The following KIF16B variants were observed in gnomAD, a reference collection of about 807,000 sequenced individuals.
KIF16B encodes the protein kinesin-like protein KIF16B.
A neutral mutation model predicts 156.3 loss-of-function variants in KIF16B; 98 were observed. That is an observed-to-expected ratio of 0.63 (90% confidence interval 0.53 to 0.74). The LOEUF (loss-of-function observed/expected upper bound fraction) is 0.74. Ranked by LOEUF, KIF16B falls within the 30% of genes least tolerant of loss-of-function variation. The pLI is 0.00. For synonymous variants in KIF16B, 564 were observed against 583.7 expected (o/e 0.97, Z 0.49); for missense variants, 1,421 against 1,606.5 (o/e 0.88, Z 1.97).
intron 22 of KIF16B, 43 bp downstream of exon 22, chr20:16,370,543 A>C: frequency 6.7e-7 from 1 of 1,488,654 alleles, no homozygotes; most frequent in Non-Finnish European, 9.0e-7. Context: ...TGAGCATGCC[A>C]TAATTTAAGG....
At chr20:16,438,516 A>G (rs2066708778) in intron 12 of KIF16B, among the ~76,000 whole-genome samples, 1 of 152,304 alleles carries the variant, frequency 6.6e-6, no homozygotes, top group East Asian at 1.9e-4. Context: ...TTGCAATTTC[A>G]GGCAACCACT....
intron 5 of KIF16B, 133 bp downstream of exon 5, chr20:16,512,693 C>T (rs2068994637): frequency 3.4e-6 from 2 of 588,600 alleles, no homozygotes; most frequent in Admixed American, 2.9e-5. Flanking sequence ...AAACCATAAT[C>T]ACAGGAGGGG....
chr20:16,558,706 C>A (rs1384928293), intron 1 of KIF16B, among the ~76,000 whole-genome samples: 1 of 152,152 alleles, frequency 6.6e-6, no homozygotes, highest in African/African-American at 2.4e-5. Context: ...GAGTTCCAGA[C>A]CAGCCTGGCC....
chr20:16,416,839 A>G (rs2180472), intron 15 of KIF16B, among the ~76,000 whole-genome samples: 16,700 of 152,136 alleles, frequency 0.11, 1,142 homozygotes, highest in Non-Finnish European at 0.16. Flanking sequence ...AGCTTGGTCT[A>G]GGAAGAAAGC....
intron 1 of KIF16B, among the ~76,000 whole-genome samples, chr20:16,563,884 A>C (rs778404105): frequency 1.3e-5 from 2 of 152,204 alleles, no homozygotes; most frequent in East Asian, 3.9e-4. Flanking sequence ...CATATTACTT[A>C]TAAAGTTCAC....
intron 23 of KIF16B, among the ~76,000 whole-genome samples, chr20:16,339,540 G>A (rs67199324): frequency 0.052 from 7,929 of 152,104 alleles, 300 homozygotes; most frequent in African/African-American, 0.099. Context: ...ACCCAGACTC[G>A]TATATCCGAC....
At chr20:16,477,213 A>G (rs1264401341) in intron 12 of KIF16B, among the ~76,000 whole-genome samples, 1 of 149,908 alleles carries the variant, frequency 6.7e-6, no homozygotes, top group Non-Finnish European at 1.5e-5. Flanking sequence ...CTCCTTAAAA[A>G]AAAAAAAAGG....
intron 25 of KIF16B, among the ~76,000 whole-genome samples, chr20:16,301,901 C>T (rs1457539581): frequency 7.2e-5 from 11 of 152,168 alleles, no homozygotes; most frequent in South Asian, 2.1e-4. Flanking sequence ...CTGCCTGCCT[C>T]GGCCTCTCAA....
rs763142988 is a variant in KIF16B, at chr20:16,379,567, T to A, written c.2435A>T (p.Asp812Val). Residue 812 changes from aspartate to valine, a missense_variant, in exon 19 of 26, where the codon GAT becomes GTT. Physicochemically the swap from Asp to Val is radical, Grantham distance 152. Transcript: ENST00000354981. The stretch of plus-strand genomic sequence containing the variant: ...CTTTTCTAACTCCTCGCCATCTTCA[T>A]CCCCTCCGGCACGAGCCTCCTTCAC... ...LRVKEARAGG[D>V]EDGEELEKAQ... 7 of 1,614,006 alleles carry A rather than the reference T, an allele frequency of 4.3e-6. No homozygotes were observed. Among genetic ancestry groups the A allele is most frequent in the African/African-American group, 1.3e-5 (1 of 74,910 alleles).
intron 22 of KIF16B, chr20:16,367,816 T>C (rs776364964): frequency 9.9e-5 from 159 of 1,611,390 alleles, no homozygotes; most frequent in Non-Finnish European, 1.3e-4. Context: ...ACACAGGAGG[T>C]CACGACACAG....
At chr20:16,412,927 T>C (rs1003706777) in intron 15 of KIF16B, among the ~76,000 whole-genome samples, 1 of 152,142 alleles carries the variant, frequency 6.6e-6, no homozygotes, top group Non-Finnish European at 1.5e-5. Flanking sequence ...GCTGATAATG[T>C]AGTTTCTTGA....
At chr20:16,466,656 A>C (rs1168516525) in intron 12 of KIF16B, among the ~76,000 whole-genome samples, 1 of 152,228 alleles carries the variant, frequency 6.6e-6, no homozygotes, top group Admixed American at 6.5e-5. Context: ...CTGTGAGTCC[A>C]TTAAACATCT....
At chr20:16,396,571 G>A (rs2065507212) in intron 17 of KIF16B, among the ~76,000 whole-genome samples, 1 of 150,946 alleles carries the variant, frequency 6.6e-6, no homozygotes, top group Admixed American at 6.6e-5. Context: ...GAGAGGGAGA[G>A]GCAGAGACAG....
chr20:16,273,873 A>G (rs1056769469), intron 25 of KIF16B, among the ~76,000 whole-genome samples: 3 of 152,134 alleles, frequency 2.0e-5, no homozygotes, highest in Admixed American at 1.3e-4. Context: ...CACAAAATAC[A>G]TATGCACAGA....
At chr20:16,507,879 A>G in intron 7 of KIF16B, 79 bp downstream of exon 7, 9 of 1,467,940 alleles carry the variant, frequency 6.1e-6, no homozygotes, top group Non-Finnish European at 8.4e-6. Flanking sequence ...TGGTTCAACA[A>G]TGATCAGTCC....
intron 17 of KIF16B, chr20:16,382,110 G>T (rs1369109018): frequency 1.5e-6 from 2 of 1,355,208 alleles, no homozygotes; most frequent in Non-Finnish European, 2.0e-6. Context: ...TAGACAGATG[G>T]GTCCTTTTAT....
Position 16,542,944 on chromosome 20 carries a change from G to A in KIF16B, c.48-14504C>T, listed in dbSNP as rs1307817967. Among the ~76,000 whole-genome samples the A allele has an allele frequency of 2.0e-5, 3 of 152,164 alleles. No individual in the cohort carries two copies. The East Asian group carries it at 5.8e-4, about 29-fold the overall frequency. On this transcript the variant is annotated intron_variant, in intron 1 of 25. Transcript: ENST00000354981. ...AGTCTAGCAAGGAGACCACTCAGAA[G>A]GCTACACAAAGGATGCTGGGCCAGG...
In KIF16B at chr20:16,403,556, G is replaced by A. The variant is rs1284659113; in HGVS notation, c.1784+1257C>T. On this transcript the variant is annotated intron_variant, in intron 17 of 25. Transcript: ENST00000354981. ...AGGAAAGACAAAGGCTGACACAAGG[G>A]AGTCAACTGCTGGTGCTTCCAGAAA... 8.5e-5 allele frequency among the ~76,000 whole-genome samples: 13 copies of A among 152,326 alleles called. No homozygotes were observed. In the East Asian group the frequency reaches 2.3e-3, roughly 27 times the overall value.
rs374292692 is a variant in KIF16B, at chr20:16,550,226, A to G, written c.48-21786T>C. On this transcript the variant is annotated intron_variant, in intron 1 of 25. Coordinates refer to ENST00000354981, the MANE Select transcript of KIF16B (RefSeq NM_024704.5). The stretch of plus-strand genomic sequence containing the variant: ...ACTTCTCAAAAGAAGACATTTATGC[A>G]GCCAAAAAACACATGAAAAAATGCT... Among the ~76,000 whole-genome samples, 80 of 146,196 alleles carry G rather than the reference A, an allele frequency of 5.5e-4. 1 individual carries two copies. The East Asian group carries it at 0.016, about 29-fold the overall frequency.
Sources: allele counts gnomAD v4.1 joint callset (sites outside exome capture counted in the v4.1 genomes callset), GRCh38; gene constraint gnomAD v4.1.1; transcripts MANE v1.5; gene names NCBI Gene and HGNC (gene_info 2026-07-23, HGNC 2026-07-21).